The following CCSER1 variants were observed in gnomAD, a reference collection of about 807,000 sequenced individuals.
CCSER1 encodes the protein serine-rich coiled-coil domain-containing protein 1.
In CCSER1, 41 loss-of-function variants were observed where a neutral mutation model predicts 82.0. The ratio of observed to expected loss-of-function variants is 0.50; its 90% CI spans 0.39 to 0.65. The LOEUF (loss-of-function observed/expected upper bound fraction) is 0.65, where lower values mean the gene tolerates loss of function less well. Among genes scored for constraint, CCSER1 ranks in the 30% least tolerant of loss-of-function variants. The probability of loss-of-function intolerance (pLI) is 0.00; values close to 1 mark genes in which losing one functional copy is unlikely to be tolerated. For missense variants in CCSER1, 1,119 were observed against 1,064.2 expected, an observed-to-expected ratio of 1.05 and a Z score of -0.72; for synonymous variants, 414 against 383.9, an observed-to-expected ratio of 1.08 and a Z score of -0.92.
chr4:91,286,310 G>A (rs745882247), intron 10 of CCSER1, among the ~76,000 whole-genome samples: 3 of 151,860 alleles, frequency 2.0e-5, no homozygotes, highest in Middle Eastern at 6.8e-3. Flanking sequence ...ATTTATCAAC[G>A]TTAAATTGGA....
At chr4:90,443,470 C>T (rs904607920) in intron 4 of CCSER1, among the ~76,000 whole-genome samples, 4 of 152,042 alleles carry the variant, frequency 2.6e-5, no homozygotes, top group African/African-American at 9.7e-5. Flanking sequence ...TGGGACAGAG[C>T]AGGACAGCAG....
At chr4:90,435,761 T>C (rs1286753398) in intron 4 of CCSER1, among the ~76,000 whole-genome samples, 2 of 152,106 alleles carry the variant, frequency 1.3e-5, no homozygotes, top group African/African-American at 4.8e-5. Context: ...CCTCAGGTAA[T>C]GATACGTAAA....
At chr4:91,315,443 G>T (rs774977938) in intron 10 of CCSER1, among the ~76,000 whole-genome samples, 1 of 151,908 alleles carries the variant, frequency 6.6e-6, no homozygotes, top group East Asian at 1.9e-4. Flanking sequence ...CCATACATTG[G>T]AACCATAAAC....
intron 9 of CCSER1, among the ~76,000 whole-genome samples, chr4:91,012,265 A>T (rs1739055393): frequency 7.5e-6 from 1 of 134,204 alleles, no homozygotes; most frequent in Non-Finnish European, 1.7e-5. Context: ...CCCAGGATTC[A>T]GGGTACCACT....
chr4:91,337,106 T>C (rs1483042275), intron 10 of CCSER1, among the ~76,000 whole-genome samples: 1 of 152,110 alleles, frequency 6.6e-6, no homozygotes, highest in East Asian at 1.9e-4. Flanking sequence ...AGCTGCTAAC[T>C]ATGCTAAAGT....
intron 1 of CCSER1, among the ~76,000 whole-genome samples, chr4:90,206,337 TG>T (rs1738830393): frequency 6.6e-6 from 1 of 152,226 alleles, no homozygotes; most frequent in Non-Finnish European, 1.5e-5. Context: ...GGGCATTTAC[TG>T]CTATAAATTT....
chr4:91,096,737 C>A (rs1436838418), intron 10 of CCSER1, among the ~76,000 whole-genome samples: 1 of 152,126 alleles, frequency 6.6e-6, no homozygotes, highest in Non-Finnish European at 1.5e-5. Flanking sequence ...AGTGGGCTTA[C>A]ATTTTGCCTG....
At chr4:91,165,255 C>T (rs1363916380) in intron 10 of CCSER1, among the ~76,000 whole-genome samples, 5 of 152,148 alleles carry the variant, frequency 3.3e-5, no homozygotes, top group African/African-American at 7.2e-5. Context: ...CTGGGTATGA[C>T]CAGCGGAGGT....
chr4:91,587,125 A>G (rs6532322), intron 10 of CCSER1, among the ~76,000 whole-genome samples: 67,382 of 151,468 alleles, frequency 0.44, 15,219 homozygotes, highest in East Asian at 0.64. Context: ...TATACTCAAC[A>G]TAACACACAA....
At chr4:90,861,844 A>G (rs1376716370) in intron 8 of CCSER1, among the ~76,000 whole-genome samples, 2 of 150,506 alleles carry the variant, frequency 1.3e-5, no homozygotes, top group African/African-American at 4.9e-5. Context: ...GTAATATTTC[A>G]TAGTTGGATG....
intron 9 of CCSER1, among the ~76,000 whole-genome samples, chr4:90,928,949 C>T (rs779297722): frequency 1.3e-5 from 2 of 152,042 alleles, no homozygotes; most frequent in African/African-American, 4.8e-5. Flanking sequence ...GAACAGCCGA[C>T]GCAACTTCTA....
intron 10 of CCSER1, among the ~76,000 whole-genome samples, chr4:91,218,931 G>A (rs768014266): frequency 6.6e-6 from 1 of 152,064 alleles, no homozygotes; most frequent in Non-Finnish European, 1.5e-5. Flanking sequence ...CAAACCTAAA[G>A]CAACTGTGGC....
chr4:90,446,725 C>T lies in CCSER1; in HGVS notation c.1604-21509C>T, dbSNP rs189564614. The stretch of plus-strand genomic sequence containing the variant: ...GTGGGTCCACTTGTGTACAGATTTT[C>T]CTCAATACAACTTTTGCGGAATGTG... On this transcript the variant is annotated intron_variant, in intron 4 of 10. Coordinates refer to ENST00000509176, the MANE Select transcript of CCSER1 (RefSeq NM_001145065.2). Among the ~76,000 whole-genome samples the T allele has an allele frequency of 8.2e-3, 1,242 of 152,214 alleles. 15 individuals are homozygous for T. The highest frequency in any genetic ancestry group is 0.011 in the Non-Finnish European group (764 of 67,982).
chr4:90,883,053 G>A (rs192739558), intron 8 of CCSER1, among the ~76,000 whole-genome samples: 56 of 152,056 alleles, frequency 3.7e-4, no homozygotes, highest in Admixed American at 2.4e-3. Context: ...GGTCTAGAGA[G>A]GTAAGTAACC....
rs963922953 is a variant in CCSER1 at position 90,407,702 on chromosome 4, C to T, written c.1603+7573C>T. Among the ~76,000 whole-genome samples the T allele has an allele frequency of 3.9e-5, 6 of 152,296 alleles. 1 individual carries two copies. The East Asian group carries it at 7.7e-4, about 20-fold the overall frequency. The stretch of plus-strand genomic sequence containing the variant: ...AACAGCTGCAGTCTACAGCTCCCAG[C>T]GTGAGCGACGCAGAAGACGGGTGAT... On this transcript the variant is annotated intron_variant, in intron 4 of 10. Coordinates refer to ENST00000509176, the MANE Select transcript of CCSER1 (RefSeq NM_001145065.2).
chr4:91,495,843 G>GT (rs1450319074), intron 10 of CCSER1, among the ~76,000 whole-genome samples: 10 of 151,632 alleles, frequency 6.6e-5, no homozygotes, highest in African/African-American at 2.4e-4. Flanking sequence ...ATAGCTCCGA[G>GT]TTTTTTCTGA....
At chr4:90,522,392 A>G (rs562236545) in intron 5 of CCSER1, among the ~76,000 whole-genome samples, 1 of 152,208 alleles carries the variant, frequency 6.6e-6, no homozygotes, top group South Asian at 2.1e-4. Context: ...TTCCTCCCAC[A>G]TTGTTGAACA....
At chr4:91,031,353 G>C (rs1228601830) in intron 9 of CCSER1, among the ~76,000 whole-genome samples, 1 of 152,118 alleles carries the variant, frequency 6.6e-6, no homozygotes, top group East Asian at 1.9e-4. Context: ...CTCCTAAATA[G>C]TACTTTATGA....
chr4:90,483,999 T>C (rs1476204550), intron 5 of CCSER1, among the ~76,000 whole-genome samples: 1 of 152,218 alleles, frequency 6.6e-6, no homozygotes, highest in Non-Finnish European at 1.5e-5. Flanking sequence ...CCCCATCACT[T>C]TCAGGTACAC....
Sources: gnomAD v4.1 joint callset for allele counts (sites outside exome capture counted in the v4.1 genomes callset) on GRCh38, gnomAD v4.1.1 for gene constraint, MANE v1.5 for transcripts, NCBI Gene and HGNC (gene_info 2026-07-23, HGNC 2026-07-21) for gene names.